The following ALK variants were observed in gnomAD, a reference collection of about 807,000 sequenced individuals.
ALK encodes the protein ALK receptor tyrosine kinase.
A neutral mutation model predicts 163.1 loss-of-function variants in ALK; 74 were observed. The ratio of observed to expected loss-of-function variants is 0.45; its 90% CI spans 0.38 to 0.55. ALK has a LOEUF of 0.55. Ranked by LOEUF, ALK falls within the 20% of genes least tolerant of loss-of-function variation. The pLI, the probability that ALK is intolerant of heterozygous loss-of-function variation, is 0.00. For missense variants in ALK, 2,063 were observed against 2,105.3 expected (o/e 0.98, Z 0.39); for synonymous variants, 960 against 843.2 (o/e 1.14, Z -2.40).
chr2:29,834,885 A>T (rs1430724950), intron 1 of ALK, among the ~76,000 whole-genome samples: 1 of 152,214 alleles, frequency 6.6e-6, no homozygotes. Flanking sequence ...ACACACCTTC[A>T]CTTCAAATCA....
intron 1 of ALK, among the ~76,000 whole-genome samples, chr2:29,851,863 A>C (rs1666001913): frequency 6.6e-6 from 1 of 152,240 alleles, no homozygotes; most frequent in Admixed American, 6.5e-5. Flanking sequence ...AGGGTAGAGC[A>C]GGCATAGACT....
At chr2:29,584,736 G>A (rs1244837374) in intron 3 of ALK, among the ~76,000 whole-genome samples, 2 of 152,194 alleles carry the variant, frequency 1.3e-5, no homozygotes, top group Admixed American at 6.5e-5. Flanking sequence ...TTTCTGGTTT[G>A]CACCTGAGCA....
At chr2:29,577,495 G>A (rs972899080) in intron 3 of ALK, among the ~76,000 whole-genome samples, 1 of 152,138 alleles carries the variant, frequency 6.6e-6, no homozygotes, top group Non-Finnish European at 1.5e-5. Context: ...AATAATAGAT[G>A]CATGGGAAGG....
intron 3 of ALK, among the ~76,000 whole-genome samples, chr2:29,616,137 G>A (rs1483515502): frequency 6.6e-6 from 1 of 152,248 alleles, no homozygotes; most frequent in Non-Finnish European, 1.5e-5. Flanking sequence ...TCACGAGACA[G>A]AGTATGGCCA....
chr2:29,900,228 GGAA>G (rs1319763909), intron 1 of ALK, among the ~76,000 whole-genome samples: 1 of 152,196 alleles, frequency 6.6e-6, no homozygotes, highest in Non-Finnish European at 1.5e-5. Context: ...AGATCTCAGG[GGAA>G]GAGAAAAGAG....
chr2:29,260,416 A>G (rs142671777), intron 11 of ALK, among the ~76,000 whole-genome samples: 267 of 152,216 alleles, frequency 1.8e-3, no homozygotes, highest in African/African-American at 6.0e-3. Context: ...TTTGAATGAT[A>G]TTTGATCTTG....
chr2:29,698,230 G>A (rs1289275501), intron 2 of ALK, among the ~76,000 whole-genome samples: 1 of 152,180 alleles, frequency 6.6e-6, no homozygotes, highest in Non-Finnish European at 1.5e-5. Context: ...AGATGTGCTT[G>A]AAGACACCTG....
intron 11 of ALK, among the ~76,000 whole-genome samples, chr2:29,255,033 T>C (rs918624060): frequency 2.0e-5 from 3 of 152,192 alleles, no homozygotes; most frequent in African/African-American, 7.2e-5. Context: ...CCATCCTGTG[T>C]CAGACCCATG....
chr2:29,840,939 T>C lies in ALK; in HGVS notation c.667+79054A>G, dbSNP rs142915547. Among the ~76,000 whole-genome samples, 771 of 152,326 alleles carry C rather than the reference T, an allele frequency of 5.1e-3. 3 individuals carry two copies. The highest frequency in any genetic ancestry group is 0.017 in the Middle Eastern group (5 of 294). ...TCAATCTAAGTCTTTTAGATACGGCTACTGTTATCTTTTCACCCTCACTAT... is the reference window on the plus strand; with the variant it reads ...TCAATCTAAGTCTTTTAGATACGGCCACTGTTATCTTTTCACCCTCACTAT... On this transcript the variant is annotated intron_variant, in intron 1 of 28. Transcript: ENST00000389048.
intron 1 of ALK, among the ~76,000 whole-genome samples, chr2:29,766,060 T>C (rs1241686706): frequency 6.6e-6 from 1 of 152,238 alleles, no homozygotes; most frequent in Admixed American, 6.5e-5. Context: ...AATGAATATA[T>C]ATCACTAATA....
At chr2:29,817,212 G>A (rs574358412) in intron 1 of ALK, among the ~76,000 whole-genome samples, 2 of 152,114 alleles carry the variant, frequency 1.3e-5, no homozygotes, top group Admixed American at 6.5e-5. Flanking sequence ...CACACTAAGC[G>A]GTGGGGTGTG....
At chr2:29,714,345 C>A (rs548021502) in intron 2 of ALK, among the ~76,000 whole-genome samples, 8 of 152,220 alleles carry the variant, frequency 5.3e-5, no homozygotes, top group African/African-American at 9.6e-5. Context: ...GCATATTAGG[C>A]CCCAATGCAA....
chr2:29,886,536 G>A (rs1376917765), intron 1 of ALK, among the ~76,000 whole-genome samples: 1 of 152,202 alleles, frequency 6.6e-6, no homozygotes, highest in Admixed American at 6.5e-5. Context: ...TATGGCCCCA[G>A]CCATGTCCAC....
chr2:29,707,269 C>G (rs1484446427), intron 2 of ALK, among the ~76,000 whole-genome samples: 1 of 152,058 alleles, frequency 6.6e-6, no homozygotes, highest in Non-Finnish European at 1.5e-5. Flanking sequence ...TCTAAAGAGA[C>G]AGGACCTACT....
Position 29,196,239 on chromosome 2 carries a change from CAA to C in ALK, c.4164+529_4164+530del, listed in dbSNP as rs571026991. On this transcript the variant is annotated intron_variant, in intron 28 of 28. Transcript: ENST00000389048. ...CCCACTAAGGATAAAACGAAATACGCAAAAAGTGATTTGTGCAGTATGAATGA... is the reference window on the plus strand; with the variant it reads ...CCCACTAAGGATAAAACGAAATACGCAAAGTGATTTGTGCAGTATGAATGA... Among the ~76,000 whole-genome samples, 334 of 152,228 alleles carry C rather than the reference CAA, an allele frequency of 2.2e-3. 1 individual carries two copies. The highest frequency in any genetic ancestry group is 6.7e-3 in the Admixed American group (103 of 15,290).
In ALK at chr2:29,193,329, G is replaced by A. The variant is rs750920504; in HGVS notation, c.4758C>T (p.Tyr1586=). 6.2e-7 allele frequency: 1 copy of A among 1,614,028 alleles called. No homozygotes were observed. The highest frequency in any genetic ancestry group is 8.5e-7 in the Non-Finnish European group (1 of 1,180,012). The change falls in exon 29 of 29, where the codon TAC becomes TAT. Residue 1586 remains tyrosine, a synonymous_variant. Transcript: ENST00000389048. The part of the protein sequence containing the change: ...HFPCGNVNYG[Y]QQQGLPLEAA... ...CTTCTAAGGGCAAGCCCTGTTGCTGGTAGCCGTAATTGACATTCCCACAAG... is the reference window on the plus strand; with the variant it reads ...CTTCTAAGGGCAAGCCCTGTTGCTGATAGCCGTAATTGACATTCCCACAAG...
chr2:29,694,438 G>C (rs539040712), intron 3 of ALK, among the ~76,000 whole-genome samples: 32 of 152,348 alleles, frequency 2.1e-4, no homozygotes, highest in African/African-American at 7.5e-4. Flanking sequence ...AATTGGAGTA[G>C]TTCTTAGTTT....
chr2:29,837,986 A>G (rs1334169482), intron 1 of ALK, among the ~76,000 whole-genome samples: 3 of 152,192 alleles, frequency 2.0e-5, no homozygotes, highest in Admixed American at 2.0e-4. Context: ...AAAGAAACAA[A>G]GAAACAATTA....
chr2:29,812,736 C>T (rs11690312), intron 1 of ALK, among the ~76,000 whole-genome samples: 73,748 of 151,936 alleles, frequency 0.49, 19,037 homozygotes, highest in South Asian at 0.59. Context: ...GAGACCTCCA[C>T]TTCTGAGGAC....
Sources: gnomAD v4.1 joint callset for allele counts (sites outside exome capture counted in the v4.1 genomes callset) on GRCh38, gnomAD v4.1.1 for gene constraint, MANE v1.5 for transcripts, NCBI Gene and HGNC (gene_info 2026-07-23, HGNC 2026-07-21) for gene names.